PTPRG: variants seen among roughly 807,000 people sequenced by gnomAD.
The protein encoded by PTPRG is protein tyrosine phosphatase receptor type G.
PTPRG carries 102 observed loss-of-function variants against 165.3 expected under a neutral mutation model. The ratio of observed to expected loss-of-function variants is 0.62; its 90% confidence interval spans 0.53 to 0.73. The LOEUF (loss-of-function observed/expected upper bound fraction) is 0.73. Ranked by LOEUF, PTPRG falls within the 30% of genes least tolerant of loss-of-function variation. The pLI is 0.00. For missense variants in PTPRG, 1,866 were observed against 1,861.4 expected, an observed-to-expected ratio of 1.00 and a Z score of -0.05; for synonymous variants, 675 against 669.5, an observed-to-expected ratio of 1.01 and a Z score of -0.13.
At chr3:62,094,696 A>G (rs349155) in intron 5 of PTPRG, among the ~76,000 whole-genome samples, 10,893 of 152,226 alleles carry the variant, frequency 0.072, 681 homozygotes, top group East Asian at 0.22. Flanking sequence ...TTCTAGTCCA[A>G]CGTCCCCACT....
chr3:62,069,743 T>C (rs1381340396), intron 4 of PTPRG, among the ~76,000 whole-genome samples: 1 of 151,606 alleles, frequency 6.6e-6, no homozygotes. Flanking sequence ...CTCCGGCCTA[T>C]AATTCATGAA....
chr3:62,022,859 T>G (rs1318317709), intron 4 of PTPRG, among the ~76,000 whole-genome samples: 2 of 152,332 alleles, frequency 1.3e-5, no homozygotes, highest in Admixed American at 6.5e-5. Flanking sequence ...TAAAAGCTAT[T>G]ATTTTACTAA....
At position 62,231,285 on chromosome 3, in the gene PTPRG, T is replaced by TGGGGAGA. The variant is rs768506102; in HGVS notation, c.2351_2357dup (p.Lys789ArgfsTer27). 2 of 1,596,662 alleles carry TGGGGAGA rather than the reference T, an allele frequency of 1.3e-6. No homozygotes were observed. The highest frequency in any genetic ancestry group is 1.7e-6 in the Non-Finnish European group (2 of 1,171,150). On this transcript the variant is annotated frameshift_variant, in exon 14 of 30. Transcript: ENST00000474889. LOFTEE classifies it high-confidence loss of function. ...GACGTTTCCGTGAAGTGCCTTCTTCTGGGGAGAGAGGAGAGAAGGGGAGCA... is the reference window on the plus strand; with the variant it reads ...GACGTTTCCGTGAAGTGCCTTCTTCTGGGGAGAGGGGAGAGAGGAGAGAAGGGGAGCA...
intron 8 of PTPRG, among the ~76,000 whole-genome samples, chr3:62,180,560 T>C (rs1490438484): frequency 2.0e-5 from 3 of 152,126 alleles, no homozygotes; most frequent in Non-Finnish European, 4.4e-5. Flanking sequence ...TTTGCTCTCT[T>C]AGCAGGAAAT....
At chr3:62,091,246 C>G (rs916437912) in intron 5 of PTPRG, among the ~76,000 whole-genome samples, 1 of 152,184 alleles carries the variant, frequency 6.6e-6, no homozygotes, top group Admixed American at 6.5e-5. Context: ...GATCTGATTG[C>G]AGTTGGCTGT....
chr3:61,985,435 G>A (rs1426504441), intron 2 of PTPRG, among the ~76,000 whole-genome samples: 1 of 152,178 alleles, frequency 6.6e-6, no homozygotes, highest in Non-Finnish European at 1.5e-5. Context: ...AGTAACAGAG[G>A]CAGTAATTAT....
intron 4 of PTPRG, among the ~76,000 whole-genome samples, chr3:62,036,917 A>C (rs1354605562): frequency 6.6e-6 from 1 of 152,134 alleles, no homozygotes; most frequent in African/African-American, 2.4e-5. Flanking sequence ...CTCTGCACTC[A>C]GAAAACTCAG....
chr3:62,104,581 T>C (rs1383500624), intron 5 of PTPRG, among the ~76,000 whole-genome samples: 3 of 152,210 alleles, frequency 2.0e-5, no homozygotes, highest in African/African-American at 7.2e-5. Context: ...AATAGGCTAT[T>C]TCGTAGCAAT....
chr3:61,724,152 G>C (rs1233664496), intron 1 of PTPRG, among the ~76,000 whole-genome samples: 2 of 149,388 alleles, frequency 1.3e-5, no homozygotes, highest in African/African-American at 5.0e-5. Flanking sequence ...GGAGGGGGAG[G>C]TTGCAGTGAG....
chr3:62,051,341 G>T (rs17767746), intron 4 of PTPRG, among the ~76,000 whole-genome samples: 18,488 of 152,198 alleles, frequency 0.12, 1,206 homozygotes, highest in South Asian at 0.21. Context: ...AGCATTTCTG[G>T]CATGGGAACC....
At chr3:61,812,388 G>A (rs2107214138) in intron 2 of PTPRG, among the ~76,000 whole-genome samples, 1 of 151,990 alleles carries the variant, frequency 6.6e-6, no homozygotes, top group African/African-American at 2.4e-5. Flanking sequence ...TTTTTCTTTT[G>A]TATGTAATAA....
chr3:61,655,482 T>C (rs766451803), intron 1 of PTPRG, among the ~76,000 whole-genome samples: 36 of 152,220 alleles, frequency 2.4e-4, no homozygotes, highest in Admixed American at 2.4e-3. Context: ...ATGAGTATTA[T>C]AATTGACACA....
intron 1 of PTPRG, among the ~76,000 whole-genome samples, chr3:61,703,449 G>A (rs1379582633): frequency 1.3e-5 from 2 of 152,252 alleles, no homozygotes; most frequent in African/African-American, 4.8e-5. Flanking sequence ...GCTTTATTTC[G>A]TAGTATGGGC....
At chr3:61,874,794 A>G (rs1397201705) in intron 2 of PTPRG, among the ~76,000 whole-genome samples, 1 of 152,196 alleles carries the variant, frequency 6.6e-6, no homozygotes, top group Non-Finnish European at 1.5e-5. Context: ...AGAGCTGAGG[A>G]TGAGACGCCC....
chr3:61,690,658 G>C (rs973395482), intron 1 of PTPRG, among the ~76,000 whole-genome samples: 1 of 152,178 alleles, frequency 6.6e-6, no homozygotes, highest in Non-Finnish European at 1.5e-5. Context: ...GGCCAGGATT[G>C]TGCCATTTAT....
chr3:62,265,847 T>TACAC (rs3046596), intron 17 of PTPRG, among the ~76,000 whole-genome samples: 1,521 of 126,908 alleles, frequency 0.012, 8 homozygotes, highest in African/African-American at 0.022. Context: ...CATACATACA[T>TACAC]ACACACACAC....
In PTPRG at chr3:62,190,147, G is replaced by T. The variant is rs933649763; in HGVS notation, c.1034-1322G>T. Reference sequence around the variant, plus strand: ...TCTCTTAGAGTGGAGGTTCTCAGCCGAAGGTGATTGGCCCCTGCAAGCAAC... The same window carrying T: ...TCTCTTAGAGTGGAGGTTCTCAGCCTAAGGTGATTGGCCCCTGCAAGCAAC... On this transcript the variant is annotated intron_variant, in intron 8 of 29. Coordinates refer to ENST00000474889, the MANE Select transcript of PTPRG (RefSeq NM_002841.4). The surrounding 1 kb of genome is among the most constrained non-coding windows in gnomAD (Gnocchi z 5.2). Among the ~76,000 whole-genome samples, 2 of 152,156 alleles carry T rather than the reference G, an allele frequency of 1.3e-5. No homozygotes were observed. Among genetic ancestry groups the T allele is most frequent in the Non-Finnish European group, 2.9e-5 (2 of 68,034 alleles).
chr3:61,702,363 A>G (rs1575598471), intron 1 of PTPRG, among the ~76,000 whole-genome samples: 3 of 152,338 alleles, frequency 2.0e-5, no homozygotes, highest in South Asian at 2.1e-4. Context: ...TAACATGCTG[A>G]GAATAGGAAC....
At chr3:61,813,327 TAAA>T (rs757811011) in intron 2 of PTPRG, among the ~76,000 whole-genome samples, 2 of 87,500 alleles carry the variant, frequency 2.3e-5, no homozygotes, top group African/African-American at 4.4e-5. Context: ...CCATGATTAC[TAAA>T]AAAAAAAAAA....
Sources: allele counts gnomAD v4.1 joint callset (sites outside exome capture counted in the v4.1 genomes callset), GRCh38; gene constraint gnomAD v4.1.1; non-coding constraint Gnocchi (gnomAD v3.1); transcripts MANE v1.5; gene names NCBI Gene and HGNC (gene_info 2026-07-23, HGNC 2026-07-21).